Variants in ITIH5 observed in about 807,000 individuals in gnomAD.
ITIH5 encodes inter-alpha-trypsin inhibitor heavy chain H5.
In ITIH5, 65 loss-of-function variants were observed where a neutral mutation model predicts 77.5. That is an observed-to-expected ratio of 0.84 (90% CI 0.69 to 1.03). The LOEUF (loss-of-function observed/expected upper bound fraction) is 1.03, where lower values mean the gene tolerates loss of function less well. Among genes scored for constraint, ITIH5 ranks in the 50% least tolerant of loss-of-function variants. The probability of loss-of-function intolerance (pLI) is 0.00; values close to 1 mark genes in which losing one functional copy is unlikely to be tolerated. For missense variants in ITIH5, 1,208 were observed against 1,213.1 expected, an observed-to-expected ratio of 1.00 and a Z score of 0.06; for synonymous variants, 525 against 494.3, an observed-to-expected ratio of 1.06 and a Z score of -0.82.
rs61273324 is a variant in ITIH5, at chr10:7,576,722, G to A, written c.1709C>T (p.Thr570Ile). 1.9e-6 allele frequency: 3 copies of A among 1,613,804 alleles called. No homozygotes were observed. The highest frequency in any genetic ancestry group is 2.5e-6 in the Non-Finnish European group (3 of 1,179,948). Residue 570 changes from threonine to isoleucine, a missense_variant, in exon 10 of 14, where the codon ACC becomes ATC. Physicochemically the swap from Thr to Ile is moderately conservative, Grantham distance 89 (BLOSUM62 -1). Transcript: ENST00000397146. Reference sequence around the variant, plus strand: ...GCTCCAGAGACGCTCGATGTGGTTGGTGTCCCCCTCTCCATCGCCTCCAGG... The same window carrying A: ...GCTCCAGAGACGCTCGATGTGGTTGATGTCCCCCTCTCCATCGCCTCCAGG... Reference protein sequence around the residue: ...PRPGGDGEGDTNHIERLWSYL... With the variant: ...PRPGGDGEGDINHIERLWSYL...
rs563570028 is a variant in ITIH5, at chr10:7,647,899, C to A, written c.136-5809G>T. Among the ~76,000 whole-genome samples, 3 of 152,178 alleles carry A rather than the reference C, an allele frequency of 2.0e-5. No homozygotes were observed. In the South Asian group the frequency reaches 6.2e-4, roughly 32 times the overall value. The stretch of plus-strand genomic sequence containing the variant: ...CCAGATCACACAGGTAAAAGGTAGT[C>A]AACCCCAATGGCCATCCAAAGCCTC... On this transcript the variant is annotated intron_variant, in intron 2 of 13. Transcript: ENST00000397146.
chr10:7,656,556 A>G (rs56193656), intron 1 of ITIH5, among the ~76,000 whole-genome samples: 65,933 of 151,800 alleles, frequency 0.43, 14,466 homozygotes, highest in South Asian at 0.48. Context: ...TAATTAATTA[A>G]CTAGACACTC....
intron 5 of ITIH5, chr10:7,621,880 T>C (rs1833479717): frequency 6.6e-6 from 1 of 152,166 alleles, no homozygotes. Flanking sequence ...CACAGGTTAA[T>C]GAAGACCGCA....
intron 7 of ITIH5, among the ~76,000 whole-genome samples, chr10:7,594,623 A>C (rs1006600415): frequency 2.0e-5 from 3 of 152,148 alleles, no homozygotes; most frequent in Non-Finnish European, 2.9e-5. Context: ...CGAGGGGATT[A>C]AGTGTCTGAT....
At chr10:7,565,158 T>A (rs1403993422) in intron 13 of ITIH5, among the ~76,000 whole-genome samples, 3 of 140,944 alleles carry the variant, frequency 2.1e-5, no homozygotes, top group Admixed American at 1.5e-4. Context: ...ACTGTATATA[T>A]AAACACACAT....
intron 2 of ITIH5, among the ~76,000 whole-genome samples, chr10:7,644,259 A>G (rs1320466366): frequency 1.3e-5 from 2 of 149,686 alleles, no homozygotes; most frequent in South Asian, 2.1e-4. Flanking sequence ...ATATATATAT[A>G]TGTACATATA....
chr10:7,584,383 A>C (rs1292457816), intron 8 of ITIH5, among the ~76,000 whole-genome samples: 7 of 149,966 alleles, frequency 4.7e-5, no homozygotes, highest in African/African-American at 1.7e-4. Flanking sequence ...GGCTCACTGC[A>C]ACCTCTGCCT....
chr10:7,594,159 C>T (rs1324395912), intron 7 of ITIH5, among the ~76,000 whole-genome samples: 4 of 152,190 alleles, frequency 2.6e-5, no homozygotes, highest in African/African-American at 4.8e-5. Context: ...GTCCTCTGAG[C>T]CTGTCCAGAG....
At chr10:7,611,045 T>G (rs1833233602) in intron 7 of ITIH5, among the ~76,000 whole-genome samples, 1 of 152,282 alleles carries the variant, frequency 6.6e-6, no homozygotes, top group Non-Finnish European at 1.5e-5. Context: ...AATGTAAGAC[T>G]GCCTTGACCT....
At chr10:7,570,173 C>G (rs930170225) in intron 11 of ITIH5, 1 of 157,640 alleles carries the variant, frequency 6.3e-6, no homozygotes, top group African/African-American at 2.4e-5. Context: ...TTTGCTTTCT[C>G]CTTTAATGGC....
chr10:7,570,071 A>G, intron 11 of ITIH5: 1 of 233,402 alleles, frequency 4.3e-6, no homozygotes. Context: ...AAGCTTTGAG[A>G]GGTGAGAGGA....
intron 2 of ITIH5, among the ~76,000 whole-genome samples, chr10:7,644,761 CATAT>C (rs1433490657): frequency 7.5e-6 from 1 of 133,402 alleles, no homozygotes; most frequent in Non-Finnish European, 1.5e-5. Context: ...ACATATATCA[CATAT>C]ATATCATATA....
At chr10:7,644,801 T>TATATATCAC (rs1350740352) in intron 2 of ITIH5, among the ~76,000 whole-genome samples, 2 of 105,088 alleles carry the variant, frequency 1.9e-5, no homozygotes, top group African/African-American at 7.6e-5. Flanking sequence ...ATATATATCA[T>TATATATCAC]ATATATCACA....
intron 1 of ITIH5, among the ~76,000 whole-genome samples, chr10:7,658,533 C>G (rs550650773): frequency 6.6e-5 from 10 of 152,240 alleles, no homozygotes; most frequent in South Asian, 4.2e-4. Context: ...CTCAGAAGAT[C>G]CAGAGAATAC....
At chr10:7,655,564 T>C (rs774821438) in intron 2 of ITIH5, 67 bp downstream of exon 2, 13 of 1,300,946 alleles carry the variant, frequency 1.0e-5, no homozygotes, top group South Asian at 4.8e-5. Context: ...GCAAAGTGGA[T>C]ACCTGGTTCA....
chr10:7,660,855 C>A (rs890153766), intron 1 of ITIH5, among the ~76,000 whole-genome samples: 1 of 152,220 alleles, frequency 6.6e-6, no homozygotes, highest in Admixed American at 6.5e-5. Context: ...TTTGCATCCT[C>A]CATTCTTCTT....
In ITIH5 at chr10:7,559,814, G is replaced by A. The variant is rs1035809008; in HGVS notation, c.*3269C>T. On this transcript the variant is annotated 3_prime_UTR_variant, in exon 14 of 14. Coordinates refer to ENST00000397146, the MANE Select transcript of ITIH5 (RefSeq NM_030569.7). ...TCTTCTCATCGTATCCCCAGGTGGT[G>A]GAGAGGAAAAACACCATCTCTCCCA... 9 of 455,458 alleles carry A rather than the reference G, an allele frequency of 2.0e-5. No homozygotes were observed. Among genetic ancestry groups the A allele is most frequent in the Admixed American group, 1.2e-4 (5 of 42,432 alleles). The allele number at this position is 455,458 out of a possible 1,614,324, so 28.2% of individuals were successfully genotyped here.
chr10:7,571,182 G>T (rs1832289685), intron 11 of ITIH5, among the ~76,000 whole-genome samples: 2 of 152,104 alleles, frequency 1.3e-5, no homozygotes, highest in Non-Finnish European at 2.9e-5. Context: ...CAAGGTGCTG[G>T]TCTTTTGCTG....
chr10:7,622,763 G>A (rs1833494646), intron 5 of ITIH5, among the ~76,000 whole-genome samples: 1 of 152,154 alleles, frequency 6.6e-6, no homozygotes, highest in African/African-American at 2.4e-5. Flanking sequence ...GTAGCTGTCT[G>A]AAAGTCCCTT....
Sources: gnomAD v4.1 joint callset for allele counts (sites outside exome capture counted in the v4.1 genomes callset) on GRCh38, gnomAD v4.1.1 for gene constraint, MANE v1.5 for transcripts, NCBI Gene and HGNC (gene_info 2026-07-23, HGNC 2026-07-21) for gene names.